SRGAP2C: variants seen among roughly 807,000 people sequenced by gnomAD.
The protein encoded by SRGAP2C is SLIT-ROBO Rho GTPase-activating protein 2C.
Under a neutral mutation model 25.1 loss-of-function variants are expected in SRGAP2C, and 15 were observed. The observed-to-expected ratio is 0.60, with a 90% CI of 0.40 to 0.92. The LOEUF is 0.92. Ranked by LOEUF, SRGAP2C falls within the 40% of genes least tolerant of loss-of-function variation. SRGAP2C has a pLI of 0.00. For synonymous variants in SRGAP2C, 44 were observed against 96.6 expected (o/e 0.46, Z 3.19); for missense variants, 144 against 264.4 (o/e 0.54, Z 3.16).
chr1:121,265,930 T>C (rs1227385716), intron 2 of SRGAP2C, among the ~76,000 whole-genome samples: 1 of 151,790 alleles, frequency 6.6e-6, no homozygotes, highest in Non-Finnish European at 1.5e-5. Flanking sequence ...TTGGGTTTTA[T>C]CAATGTCTTA....
intron 2 of SRGAP2C, among the ~76,000 whole-genome samples, chr1:121,279,331 A>C (rs1387087851): frequency 6.7e-6 from 1 of 149,802 alleles, no homozygotes; most frequent in Non-Finnish European, 1.5e-5. Flanking sequence ...AAAGAAAGGG[A>C]TCTCTGGATT....
In SRGAP2C at chr1:121,337,744, A is replaced by G. The variant is rs1293634096; in HGVS notation, c.423+13104A>G. Among the ~76,000 whole-genome samples the G allele has an allele frequency of 2.8e-4, 39 of 140,118 alleles. 2 individuals carry two copies. In the East Asian group the frequency reaches 6.7e-3, roughly 24 times the overall value. 91.9% of individuals were successfully genotyped at this position (140,118 alleles called of 152,430 possible). Reference sequence around the variant, plus strand: ...TGCAAATAGTAGTTTGTAAAAACGTATTAGTCTTGGGAGAAACCACACACA... The same window carrying G: ...TGCAAATAGTAGTTTGTAAAAACGTGTTAGTCTTGGGAGAAACCACACACA... On this transcript the variant is annotated intron_variant, in intron 4 of 9. Transcript: ENST00000367123.
chr1:121,262,812 T>G (rs1553333713), intron 2 of SRGAP2C, among the ~76,000 whole-genome samples: 2 of 150,676 alleles, frequency 1.3e-5, no homozygotes, highest in South Asian at 4.2e-4. Flanking sequence ...GGGATACGGG[T>G]TTTTTTTTCT....
chr1:121,378,407 C>G (rs1284840197), intron 7 of SRGAP2C, among the ~76,000 whole-genome samples: 1 of 143,586 alleles, frequency 7.0e-6, no homozygotes, highest in African/African-American at 2.7e-5. Flanking sequence ...CCAAGGCAAC[C>G]ACTGTTATGA....
At chr1:121,329,920 G>C (rs1658397427) in intron 4 of SRGAP2C, among the ~76,000 whole-genome samples, 1 of 151,758 alleles carries the variant, frequency 6.6e-6, no homozygotes, top group Admixed American at 6.6e-5. Flanking sequence ...TGAAAGCTCA[G>C]TCTGTCTAAC....
At chr1:121,272,174 A>AAG (rs1281563658) in intron 2 of SRGAP2C, among the ~76,000 whole-genome samples, 1 of 70,202 alleles carries the variant, frequency 1.4e-5, no homozygotes, top group Non-Finnish European at 2.8e-5. Context: ...AAAAAAAAAA[A>AAG]AAAAGAAGAA....
intron 8 of SRGAP2C, among the ~76,000 whole-genome samples, chr1:121,383,420 C>T (rs1281130752): frequency 1.3e-5 from 2 of 151,886 alleles, no homozygotes; most frequent in African/African-American, 2.4e-5. Context: ...GATCTTTTGG[C>T]GTTTGGCAGA....
chr1:121,305,307 G>A (rs1437310078), intron 3 of SRGAP2C, among the ~76,000 whole-genome samples: 1 of 129,204 alleles, frequency 7.7e-6, no homozygotes, highest in East Asian at 2.4e-4. Context: ...TTAGGATAAT[G>A]TTGATCTGGC....
At chr1:121,286,009 A>C (rs1657356804) in intron 3 of SRGAP2C, among the ~76,000 whole-genome samples, 1 of 152,232 alleles carries the variant, frequency 6.6e-6, no homozygotes, top group African/African-American at 2.4e-5. Flanking sequence ...AATTGCAAAA[A>C]AAGTCATAAT....
chr1:121,228,789 T>C (rs1553327062), intron 2 of SRGAP2C, among the ~76,000 whole-genome samples: 2 of 150,952 alleles, frequency 1.3e-5, no homozygotes, highest in South Asian at 2.1e-4. Flanking sequence ...GATTCACATC[T>C]AGGGCTCCTG....
At chr1:121,273,795 T>C (rs1657036250) in intron 2 of SRGAP2C, among the ~76,000 whole-genome samples, 1 of 151,808 alleles carries the variant, frequency 6.6e-6, no homozygotes, top group East Asian at 1.9e-4. Flanking sequence ...GTACTTGTTG[T>C]TGACATGACT....
At chr1:121,202,878 AT>A (rs1265097972) in intron 2 of SRGAP2C, among the ~76,000 whole-genome samples, 6 of 140,040 alleles carry the variant, frequency 4.3e-5, no homozygotes, top group Admixed American at 1.4e-4. Flanking sequence ...CAAAGAAACA[AT>A]TTTTTTTTTC....
At chr1:121,378,765 G>A (rs377147507) in intron 7 of SRGAP2C, among the ~76,000 whole-genome samples, 1 of 152,050 alleles carries the variant, frequency 6.6e-6, no homozygotes, top group African/African-American at 2.4e-5. Flanking sequence ...CCAAATGTGT[G>A]CATAAGGCAT....
chr1:121,223,364 TG>T (rs1655583818), intron 2 of SRGAP2C, among the ~76,000 whole-genome samples: 2 of 100,830 alleles, frequency 2.0e-5, no homozygotes, highest in Admixed American at 2.0e-4. Flanking sequence ...TGTGTGTGTG[TG>T]TGTGTGTGTG....
At chr1:121,249,576 A>ATTT (rs1274776472) in intron 2 of SRGAP2C, among the ~76,000 whole-genome samples, 24 of 21,496 alleles carry the variant, frequency 1.1e-3, no homozygotes, top group Non-Finnish European at 1.7e-3. Context: ...ATATATATAT[A>ATTT]TATATTTTTT....
chr1:121,346,619 G>A (rs1474814234), intron 4 of SRGAP2C, among the ~76,000 whole-genome samples: 1 of 152,154 alleles, frequency 6.6e-6, no homozygotes, highest in Non-Finnish European at 1.5e-5. Flanking sequence ...TTAAGGATAG[G>A]GAGTTGAGCT....
chr1:121,346,767 C>T (rs1360358426), intron 4 of SRGAP2C, among the ~76,000 whole-genome samples: 1 of 151,960 alleles, frequency 6.6e-6, no homozygotes, highest in Non-Finnish European at 1.5e-5. Flanking sequence ...GCTGATTAAA[C>T]TGGCAGGCAG....
intron 2 of SRGAP2C, among the ~76,000 whole-genome samples, chr1:121,270,949 C>T (rs1370895664): frequency 3.3e-5 from 5 of 150,974 alleles, no homozygotes; most frequent in South Asian, 2.1e-4. Flanking sequence ...CCCGCCACCA[C>T]GCCCAGCTAC....
intron 3 of SRGAP2C, among the ~76,000 whole-genome samples, chr1:121,293,210 A>G (rs1657524565): frequency 1.1e-5 from 1 of 88,192 alleles, no homozygotes; most frequent in South Asian, 2.9e-4. Context: ...AGTGAGAACA[A>G]ACGCTGATGG....
Sources: allele counts gnomAD v4.1 joint callset (sites outside exome capture counted in the v4.1 genomes callset), GRCh38; gene constraint gnomAD v4.1.1; transcripts MANE v1.5; gene names NCBI Gene and HGNC (gene_info 2026-07-23, HGNC 2026-07-21).